Variants in DOK5 observed in about 807,000 individuals in gnomAD.
DOK5 encodes docking protein 5, also known as downstream of tyrosine kinase 5.
DOK5 carries 27 observed loss-of-function variants against 43.3 expected under a neutral mutation model. The observed-to-expected ratio is 0.62, with a 90% CI of 0.46 to 0.86. The LOEUF (loss-of-function observed/expected upper bound fraction) is 0.86. Ranked by LOEUF, DOK5 falls within the 40% of genes least tolerant of loss-of-function variation. The pLI, the probability that DOK5 is intolerant of heterozygous loss-of-function variation, is 0.00. For missense variants in DOK5, 373 were observed against 392.9 expected, an observed-to-expected ratio of 0.95 and a Z score of 0.43; for synonymous variants, 146 against 140.1, an observed-to-expected ratio of 1.04 and a Z score of -0.30.
intron 1 of DOK5, among the ~76,000 whole-genome samples, chr20:54,504,674 C>T (rs141724257): frequency 2.6e-4 from 39 of 152,200 alleles, no homozygotes; most frequent in Non-Finnish European, 3.8e-4. Context: ...GCTTCTTAAA[C>T]GAATGAAATG....
At position 54,643,420 on chromosome 20, in the gene DOK5, G is replaced by T. The variant is rs73913643; in HGVS notation, c.736-38G>T. The T allele has an allele frequency of 1.4e-3, 2,197 of 1,608,890 alleles. 36 individuals carry two copies. The African/African-American group carries it at 0.027, about 20-fold the overall frequency. ...CTCAGTCAGGCCACTTTCGGCCCCA[G>T]TGTTGCTGACGCACAACTTTCTTCC... On this transcript the variant is annotated intron_variant, in intron 6 of 7. Transcript: ENST00000262593.
At chr20:54,531,870 C>A (rs947312649) in intron 1 of DOK5, among the ~76,000 whole-genome samples, 1 of 152,196 alleles carries the variant, frequency 6.6e-6, no homozygotes, top group African/African-American at 2.4e-5. Flanking sequence ...GGCTCTGCCC[C>A]TCATAGAATT....
At chr20:54,581,432 T>G (rs902604951) in intron 2 of DOK5, among the ~76,000 whole-genome samples, 5 of 151,812 alleles carry the variant, frequency 3.3e-5, no homozygotes, top group African/African-American at 1.2e-4. Context: ...GAGATTACAT[T>G]GAATCTGTAG....
chr20:54,644,725 C>CAAAA (rs1979313121), intron 7 of DOK5, among the ~76,000 whole-genome samples: 1 of 113,742 alleles, frequency 8.8e-6, no homozygotes, highest in Non-Finnish European at 1.8e-5. Flanking sequence ...AAAAAAAAAA[C>CAAAA]AAAATTTAGC....
chr20:54,539,003 C>T (rs1387430777), intron 1 of DOK5, among the ~76,000 whole-genome samples: 1 of 152,088 alleles, frequency 6.6e-6, no homozygotes, highest in Admixed American at 6.6e-5. Flanking sequence ...GAGAACAGGG[C>T]CGGGCACCGT....
chr20:54,547,235 G>A (rs540797204), intron 1 of DOK5, among the ~76,000 whole-genome samples: 2 of 152,236 alleles, frequency 1.3e-5, no homozygotes, highest in South Asian at 4.1e-4. Flanking sequence ...AGTTGCAATA[G>A]CGACCTGGGG....
At chr20:54,484,759 A>G (rs1051178620) in intron 1 of DOK5, among the ~76,000 whole-genome samples, 3 of 152,240 alleles carry the variant, frequency 2.0e-5, no homozygotes, top group African/African-American at 7.2e-5. Context: ...TGTTCCTGTC[A>G]TCCCAGGACT....
At chr20:54,540,198 G>C (rs1304808983) in intron 1 of DOK5, among the ~76,000 whole-genome samples, 1 of 151,942 alleles carries the variant, frequency 6.6e-6, no homozygotes, top group Admixed American at 6.6e-5. Context: ...CACAAAATGA[G>C]TGCTCTGCAT....
intron 1 of DOK5, among the ~76,000 whole-genome samples, chr20:54,504,053 C>T (rs1982712447): frequency 6.6e-6 from 1 of 152,200 alleles, no homozygotes; most frequent in Non-Finnish European, 1.5e-5. Flanking sequence ...ACCAGCACAT[C>T]AGAGACAGTG....
chr20:54,588,457 T>C (rs1600719892), intron 2 of DOK5, 26 bp from the exon 3 acceptor site: 2 of 1,599,788 alleles, frequency 1.3e-6, no homozygotes, highest in East Asian at 4.5e-5. Flanking sequence ...AGGGAGTGTG[T>C]CAAACTTCTA....
intron 2 of DOK5, among the ~76,000 whole-genome samples, chr20:54,557,692 G>GGA (rs1984759340): frequency 6.6e-6 from 1 of 152,066 alleles, no homozygotes; most frequent in Non-Finnish European, 1.5e-5. Flanking sequence ...CCCTTTTCCT[G>GGA]GAATGCTCTC....
At chr20:54,528,445 T>C (rs542734362) in intron 1 of DOK5, among the ~76,000 whole-genome samples, 1 of 147,802 alleles carries the variant, frequency 6.8e-6, no homozygotes, top group African/African-American at 2.5e-5. Flanking sequence ...GTATACGGCT[T>C]CCCACCTAGA....
intron 2 of DOK5, among the ~76,000 whole-genome samples, chr20:54,565,620 A>G (rs1417229367): frequency 6.6e-6 from 1 of 152,194 alleles, no homozygotes; most frequent in African/African-American, 2.4e-5. Flanking sequence ...TCTCTTAAGA[A>G]AACATAATCT....
intron 1 of DOK5, among the ~76,000 whole-genome samples, chr20:54,508,837 C>T (rs1218155496): frequency 2.6e-5 from 4 of 152,004 alleles, no homozygotes; most frequent in Non-Finnish European, 2.9e-5. Flanking sequence ...CCCTTGGCCT[C>T]CCAGAGTGTT....
chr20:54,618,143 T>C (rs905238397), intron 6 of DOK5, among the ~76,000 whole-genome samples: 2 of 152,108 alleles, frequency 1.3e-5, no homozygotes, highest in African/African-American at 4.8e-5. Context: ...CACTGTCCTA[T>C]GATATAGATG....
chr20:54,523,399 C>G (rs978331652), intron 1 of DOK5, among the ~76,000 whole-genome samples: 4 of 151,884 alleles, frequency 2.6e-5, no homozygotes, highest in African/African-American at 7.3e-5. Context: ...AACCCCATCT[C>G]TACTAAAAAT....
At chr20:54,634,403 A>T (rs1978719142) in intron 6 of DOK5, among the ~76,000 whole-genome samples, 1 of 149,574 alleles carries the variant, frequency 6.7e-6, no homozygotes, top group African/African-American at 2.5e-5. Context: ...CTGCTTGACC[A>T]GAAGTAGCCA....
chr20:54,487,075 A>G (rs1327330809), intron 1 of DOK5, among the ~76,000 whole-genome samples: 2 of 152,224 alleles, frequency 1.3e-5, no homozygotes, highest in Non-Finnish European at 2.9e-5. Flanking sequence ...ACTTGAATAT[A>G]TTAGCCAAAA....
intron 1 of DOK5, among the ~76,000 whole-genome samples, chr20:54,546,317 G>T (rs948924681): frequency 6.6e-6 from 1 of 152,160 alleles, no homozygotes; most frequent in Non-Finnish European, 1.5e-5. Flanking sequence ...AAAAATATTT[G>T]ATTTGCTTTG....
Sources: allele counts gnomAD v4.1 joint callset (sites outside exome capture counted in the v4.1 genomes callset), GRCh38; gene constraint gnomAD v4.1.1; transcripts MANE v1.5; gene names NCBI Gene and HGNC (gene_info 2026-07-23, HGNC 2026-07-21).